The following SPOCK3 variants were observed in gnomAD, a reference collection of about 807,000 sequenced individuals.
The protein encoded by SPOCK3 is testican-3.
Under a neutral mutation model 56.6 loss-of-function variants are expected in SPOCK3, and 30 were observed. The ratio of observed to expected loss-of-function variants is 0.53; its 90% CI spans 0.40 to 0.72. The LOEUF (loss-of-function observed/expected upper bound fraction) is 0.72. Among genes scored for constraint, SPOCK3 ranks in the 30% least tolerant of loss-of-function variants. The probability of loss-of-function intolerance (pLI) is 0.00; values close to 1 mark genes in which losing one functional copy is unlikely to be tolerated. For missense variants in SPOCK3, 527 were observed against 530.0 expected (o/e 0.99, Z 0.06); for synonymous variants, 196 against 183.3 (o/e 1.07, Z -0.56).
chr4:166,773,491 G>A (rs373724113), intron 7 of SPOCK3, among the ~76,000 whole-genome samples: 6 of 152,026 alleles, frequency 3.9e-5, no homozygotes, highest in African/African-American at 9.7e-5. Context: ...AAGCTAGATC[G>A]CATTGTGTTG....
rs554465176 is a variant in SPOCK3 at position 167,144,596 on chromosome 4, G to T, written c.190-82059C>A. ...AGTGAAGAGCATCAGATAGTGATAG[G>T]TAATAAATGATATGGAGAAGGGAGA... On this transcript the variant is annotated intron_variant, in intron 2 of 10. Coordinates refer to ENST00000357545, the MANE Select transcript of SPOCK3 (RefSeq NM_001040159.2). 3.2e-4 allele frequency among the ~76,000 whole-genome samples: 49 copies of T among 151,922 alleles called. No homozygotes were observed. The Middle Eastern group carries it at 0.01, about 32-fold the overall frequency.
chr4:166,942,301 C>A lies in SPOCK3; in HGVS notation c.351-29558G>T, dbSNP rs140102264. ...TATTGGCTCACTGAAACCTCTGCCT[C>A]CTGGGTTCAAGTGATTTTCCAGCCT... On this transcript the variant is annotated intron_variant, in intron 4 of 10. Transcript: ENST00000357545. Among the ~76,000 whole-genome samples the A allele has an allele frequency of 1.4e-3, 212 of 151,852 alleles. 7 individuals are homozygous for A. The East Asian group carries it at 0.028, about 20-fold the overall frequency.
intron 4 of SPOCK3, among the ~76,000 whole-genome samples, chr4:166,930,962 T>C (rs191200050): frequency 1.4e-3 from 206 of 152,226 alleles, no homozygotes; most frequent in African/African-American, 4.6e-3. Context: ...ACGTTTCTTG[T>C]AGTTATTTGC....
chr4:166,847,665 A>ATATATATATATATATATATATATATG, intron 6 of SPOCK3, among the ~76,000 whole-genome samples: 1 of 100,692 alleles, frequency 9.9e-6, no homozygotes, highest in Non-Finnish European at 1.8e-5. Flanking sequence ...ATATATATAT[A>ATATATATATATATATATATATATATG]TATATATATA....
chr4:167,161,142 C>T (rs1765267728), intron 2 of SPOCK3, among the ~76,000 whole-genome samples: 2 of 152,140 alleles, frequency 1.3e-5, no homozygotes, highest in African/African-American at 2.4e-5. Context: ...GCAATCCACT[C>T]ATCTGACAAA....
chr4:166,808,041 A>AT (rs1245915577), intron 6 of SPOCK3, among the ~76,000 whole-genome samples: 3 of 152,124 alleles, frequency 2.0e-5, no homozygotes, highest in Non-Finnish European at 4.4e-5. Context: ...TCCAGAGTAG[A>AT]TTTTACCTTA....
intron 2 of SPOCK3, among the ~76,000 whole-genome samples, chr4:167,203,246 A>G (rs893102485): frequency 2.6e-5 from 4 of 152,044 alleles, no homozygotes. Flanking sequence ...TAGAAATCCA[A>G]TGTTAAAGAA....
chr4:166,878,093 T>G (rs1157563075), intron 6 of SPOCK3, among the ~76,000 whole-genome samples: 2 of 152,042 alleles, frequency 1.3e-5, no homozygotes, highest in Admixed American at 6.6e-5. Flanking sequence ...CTGGCCAACA[T>G]GGTGAAACCC....
At position 166,754,611 on chromosome 4, in the gene SPOCK3, A is replaced by T; in HGVS notation, c.828T>A (p.Asp276Glu). The T allele has an allele frequency of 6.2e-7, 1 of 1,613,772 alleles. No individual in the cohort carries two copies. The highest frequency in any genetic ancestry group is 8.5e-7 in the Non-Finnish European group (1 of 1,179,792). ...ATGCCTTGGTACACTGTTCATTCTT[A>T]TCAAGGTAAATGCTTCTGAGCTCTG... ...DQSELRSIYL[D>E]KNEQCTKAFF... Residue 276 changes from aspartate to glutamate, a missense_variant, in exon 8 of 11, where the codon GAT becomes GAA. By Grantham distance (45) the Asp-to-Glu change is conservative. Coordinates refer to ENST00000357545, the MANE Select transcript of SPOCK3 (RefSeq NM_001040159.2).
At chr4:167,223,034 T>A (rs1451023301) in intron 2 of SPOCK3, among the ~76,000 whole-genome samples, 4 of 119,136 alleles carry the variant, frequency 3.4e-5, no homozygotes, top group African/African-American at 9.8e-5. Context: ...TAATATATTA[T>A]ATTTTATATA....
chr4:166,976,101 A>T (rs1054207680), intron 4 of SPOCK3, among the ~76,000 whole-genome samples: 1 of 151,202 alleles, frequency 6.6e-6, no homozygotes, highest in Non-Finnish European at 1.5e-5. Context: ...TACATACAAC[A>T]CTCTCCACCC....
intron 4 of SPOCK3, among the ~76,000 whole-genome samples, chr4:166,998,376 C>T (rs1168739784): frequency 1.3e-5 from 2 of 152,106 alleles, no homozygotes; most frequent in Non-Finnish European, 1.5e-5. Flanking sequence ...TATTAAGGGA[C>T]ATTTGGCTAT....
intron 6 of SPOCK3, among the ~76,000 whole-genome samples, chr4:166,811,522 A>T (rs1180826324): frequency 2.0e-5 from 3 of 151,740 alleles, no homozygotes; most frequent in Non-Finnish European, 4.4e-5. Flanking sequence ...TTTTAGTATC[A>T]TCTTTGATAT....
intron 2 of SPOCK3, among the ~76,000 whole-genome samples, chr4:167,107,191 T>C (rs779117368): frequency 6.6e-6 from 1 of 151,710 alleles, no homozygotes; most frequent in Non-Finnish European, 1.5e-5. Flanking sequence ...CAGACAAAGA[T>C]ACATAAGTAA....
intron 3 of SPOCK3, 56 bp downstream of exon 3, chr4:167,062,436 A>C (rs1755700468): frequency 3.0e-6 from 4 of 1,326,598 alleles, no homozygotes; most frequent in Non-Finnish European, 2.1e-6. Flanking sequence ...CATTTCTAAA[A>C]GTACAATGAT....
intron 4 of SPOCK3, among the ~76,000 whole-genome samples, chr4:166,942,244 C>T (rs1466858398): frequency 6.6e-6 from 1 of 151,482 alleles, no homozygotes; most frequent in African/African-American, 2.4e-5. Flanking sequence ...TGGAGTCTTG[C>T]TCTGTCACTA....
At chr4:167,062,934 C>T (rs1190013933) in intron 2 of SPOCK3, among the ~76,000 whole-genome samples, 5 of 151,706 alleles carry the variant, frequency 3.3e-5, no homozygotes, top group Non-Finnish European at 7.4e-5. Context: ...AAGTATCTTA[C>T]CAGTTTCCAA....
At chr4:167,231,716 A>C (rs912080469) in intron 2 of SPOCK3, among the ~76,000 whole-genome samples, 1 of 152,136 alleles carries the variant, frequency 6.6e-6, no homozygotes, top group Non-Finnish European at 1.5e-5. Flanking sequence ...GGTCTAGATA[A>C]GGATTATATA....
At position 167,059,747 on chromosome 4, in the gene SPOCK3, A is replaced by C. The variant is rs1038229543; in HGVS notation, c.235+2745T>G. Among the ~76,000 whole-genome samples the C allele has an allele frequency of 2.2e-4, 33 of 152,176 alleles. No individual in the cohort carries two copies. In the South Asian group the frequency reaches 2.9e-3, roughly 13 times the overall value. The stretch of plus-strand genomic sequence containing the variant: ...ATTCACAATATGAAAGACTTGGAAC[A>C]AACCCAAATGTCCAACAATGATAGA... On this transcript the variant is annotated intron_variant, in intron 3 of 10. Coordinates refer to ENST00000357545, the MANE Select transcript of SPOCK3 (RefSeq NM_001040159.2).
Sources: gnomAD v4.1 joint callset for allele counts (sites outside exome capture counted in the v4.1 genomes callset) on GRCh38, gnomAD v4.1.1 for gene constraint, MANE v1.5 for transcripts, NCBI Gene and HGNC (gene_info 2026-07-23, HGNC 2026-07-21) for gene names.